Variants in PAK1IP1 observed in about 807,000 individuals in gnomAD.
The protein encoded by PAK1IP1 is p21-activated protein kinase-interacting protein 1.
Under a neutral mutation model 42.0 loss-of-function variants are expected in PAK1IP1, and 24 were observed. The ratio of observed to expected loss-of-function variants is 0.57; its 90% CI spans 0.41 to 0.80. The LOEUF is 0.80. Among genes scored for constraint, PAK1IP1 ranks in the 30% least tolerant of loss-of-function variants. The pLI, the probability that PAK1IP1 is intolerant of heterozygous loss-of-function variation, is 0.00. For synonymous variants in PAK1IP1, 154 were observed against 156.7 expected (o/e 0.98, Z 0.13); for missense variants, 411 against 467.9 (o/e 0.88, Z 1.12).
chr6:10,704,784 T>C lies in PAK1IP1; in HGVS notation c.680T>C (p.Ile227Thr), dbSNP rs751362115. ...GCAGTGGCTGGAGATGAAGAAGTTA[T>C]AAGGTTTTTTGACTGTGATTCACTA... is the stretch of plus-strand genomic sequence containing the variant. ...VLAVAGDEEV[I>T]RFFDCDSLVC... Residue 227 changes from isoleucine to threonine, a missense_variant, in exon 7 of 10, where the codon ATA (isoleucine) becomes ACA (threonine). Transcript: ENST00000379568. 67 of 1,613,730 alleles carry C rather than the reference T, an allele frequency of 4.2e-5. No homozygotes were observed. The Middle Eastern group carries it at 8.2e-4, about 20-fold the overall frequency.
At chr6:10,695,204 A>T in intron 1 of PAK1IP1, 135 bp downstream of exon 1, 1 of 619,084 alleles carries the variant, frequency 1.6e-6, no homozygotes, top group Non-Finnish European at 2.9e-6. Context: ...AAGAGACTTA[A>T]GAGAAAAGCT....
chr6:10,696,906 CAT>C (rs1164458900), intron 1 of PAK1IP1, among the ~76,000 whole-genome samples: 2 of 152,144 alleles, frequency 1.3e-5, no homozygotes, highest in African/African-American at 4.8e-5. Flanking sequence ...AGTAGGCACT[CAT>C]TATTTGAAAG....
upstream of PAK1IP1, chr6:10,694,650 G>T: frequency 4.4e-6 from 1 of 228,504 alleles, no homozygotes; most frequent in Non-Finnish European, 8.9e-6. Flanking sequence ...CGGAAATGAA[G>T]GGCTTCGCAG....
chr6:10,693,645 A>G (rs533935460), upstream of PAK1IP1, among the ~76,000 whole-genome samples: 3 of 152,376 alleles, frequency 2.0e-5, no homozygotes, highest in Admixed American at 2.0e-4. Flanking sequence ...TATGAGAACT[A>G]TACGAACCAA....
chr6:10,701,284 C>T (rs1159298559), intron 2 of PAK1IP1, among the ~76,000 whole-genome samples: 1 of 152,114 alleles, frequency 6.6e-6, no homozygotes, highest in African/African-American at 2.4e-5. Flanking sequence ...GCCATGTTGG[C>T]CAGGCTGGTA....
In PAK1IP1 at chr6:10,697,387, G is replaced by A. The variant is rs1437657134; in HGVS notation, c.148G>A (p.Val50Ile). 1.2e-6 allele frequency: 2 copies of A among 1,613,946 alleles called. No individual in the cohort carries two copies. The highest frequency in any genetic ancestry group is 2.2e-5 in the East Asian group (1 of 44,872). Residue 50 changes from valine to isoleucine, a missense_variant, in exon 2 of 10, where the codon GTA (valine) becomes ATA (isoleucine). By Grantham distance (29) the Val-to-Ile change is conservative (BLOSUM62 3). Coordinates refer to ENST00000379568, the MANE Select transcript of PAK1IP1 (RefSeq NM_017906.3). ...CACTGCCTCCTTGTCAGCAGTAGCT[G>A]TAAATAGTCGTTTTGTGGTCACTGG... ...AHTASLSAVA[V>I]NSRFVVTGSK...
chr6:10,705,705 G>A (rs929104117), intron 7 of PAK1IP1, among the ~76,000 whole-genome samples: 1 of 152,174 alleles, frequency 6.6e-6, no homozygotes. Context: ...GGTTTTATCT[G>A]ACTCTTATAT....
At chr6:10,697,616 A>T (rs1769899402) in intron 2 of PAK1IP1, 130 bp downstream of exon 2, 1 of 748,736 alleles carries the variant, frequency 1.3e-6, no homozygotes, top group African/African-American at 1.8e-5. Context: ...TTAAAAAAAA[A>T]TGGTTTCTTA....
In PAK1IP1 at chr6:10,707,460, T is replaced by C; in HGVS notation, c.786T>C (p.Ile262=). ...TTGAAATTCCAGAGCATCATGTTAT[T>C]GTTTCAGCATCGAGTGATGGTTTCA... is the stretch of plus-strand genomic sequence containing the variant. ...FSFEIPEHHV[I]VSASSDGFIK... is the part of the protein sequence containing the mutation. Residue 262 remains isoleucine, a synonymous_variant, in exon 8 of 10, where the codon ATT becomes ATC. Coordinates refer to ENST00000379568, the MANE Select transcript of PAK1IP1 (RefSeq NM_017906.3). The C allele has an allele frequency of 6.2e-7, 1 of 1,612,088 alleles. No homozygotes were observed. The highest frequency in any genetic ancestry group is 8.5e-7 in the Non-Finnish European group (1 of 1,178,116).
intron 4 of PAK1IP1, among the ~76,000 whole-genome samples, chr6:10,703,039 T>G (rs1461246921): frequency 6.6e-6 from 1 of 152,014 alleles, no homozygotes; most frequent in African/African-American, 2.4e-5. Context: ...TCTCCTGACC[T>G]CATGATCCGC....
chr6:10,694,903 G>GTTTTTT (rs878881986), upstream of PAK1IP1: 17 of 622,690 alleles, frequency 2.7e-5, no homozygotes, highest in South Asian at 1.3e-4. Flanking sequence ...GGAGTCAGGT[G>GTTTTTT]TTTTTTTTTT....
intron 8 of PAK1IP1, among the ~76,000 whole-genome samples, chr6:10,708,111 CATA>C (rs1277598366): frequency 6.8e-6 from 1 of 146,036 alleles, no homozygotes; most frequent in Non-Finnish European, 1.5e-5. Context: ...GTTGTACAAT[CATA>C]ATCGTAATTA....
intron 8 of PAK1IP1, among the ~76,000 whole-genome samples, chr6:10,707,766 CT>C (rs1770252152): frequency 1.3e-5 from 2 of 152,216 alleles, no homozygotes; most frequent in African/African-American, 4.8e-5. Flanking sequence ...ACTTTCCTCT[CT>C]TGAATATTGG....
At chr6:10,693,542 C>A (rs551867224), upstream of PAK1IP1, among the ~76,000 whole-genome samples, 1 of 152,150 alleles carries the variant, frequency 6.6e-6, no homozygotes, top group Non-Finnish European at 1.5e-5. Context: ...AGGGTCTAAG[C>A]GCTGAAGCAC....
intron 2 of PAK1IP1, among the ~76,000 whole-genome samples, chr6:10,701,963 A>G (rs1033620911): frequency 6.6e-6 from 1 of 152,312 alleles, no homozygotes. Context: ...GGCCAGGCAC[A>G]GTGGCTCACA....
intron 2 of PAK1IP1, among the ~76,000 whole-genome samples, chr6:10,698,784 A>G (rs1769936947): frequency 6.6e-6 from 1 of 152,254 alleles, no homozygotes; most frequent in Non-Finnish European, 1.5e-5. Flanking sequence ...TTATTCAGTA[A>G]TAAGCCACAG....
intron 2 of PAK1IP1, among the ~76,000 whole-genome samples, chr6:10,699,656 T>A (rs1247369830): frequency 6.6e-6 from 1 of 152,154 alleles, no homozygotes; most frequent in African/African-American, 2.4e-5. Flanking sequence ...GCCAAGAAAG[T>A]TGGTTTTCTG....
At chr6:10,697,273 G>T in intron 1 of PAK1IP1, 51 bp from the exon 2 acceptor site, 1 of 1,509,258 alleles carries the variant, frequency 6.6e-7, no homozygotes, top group South Asian at 1.2e-5. Context: ...GGATAGAGTT[G>T]GTAGAACTGT....
chr6:10,691,224 A>C (rs1390117475), upstream of PAK1IP1, among the ~76,000 whole-genome samples: 1 of 152,224 alleles, frequency 6.6e-6, no homozygotes, highest in Non-Finnish European at 1.5e-5. Flanking sequence ...GACAAGCCGC[A>C]GACAAAACCC....
Sources: allele counts gnomAD v4.1 joint callset (sites outside exome capture counted in the v4.1 genomes callset), GRCh38; gene constraint gnomAD v4.1.1; transcripts MANE v1.5; gene names NCBI Gene and HGNC (gene_info 2026-07-23, HGNC 2026-07-21).